Variants in TRPC4 observed in about 807,000 individuals in gnomAD.
TRPC4 encodes the protein transient receptor potential cation channel subfamily C member 4.
A neutral mutation model predicts 99.4 loss-of-function variants in TRPC4; 49 were observed. That is an observed-to-expected ratio of 0.49 (90% CI 0.39 to 0.63). The LOEUF (loss-of-function observed/expected upper bound fraction) is 0.63, where lower values mean the gene tolerates loss of function less well. Ranked by LOEUF, TRPC4 falls within the 20% of genes least tolerant of loss-of-function variation. The pLI, the probability that TRPC4 is intolerant of heterozygous loss-of-function variation, is 0.00. For missense variants in TRPC4, 898 were observed against 1,152.9 expected, an observed-to-expected ratio of 0.78 and a Z score of 3.20; for synonymous variants, 454 against 425.9, an observed-to-expected ratio of 1.07 and a Z score of -0.81.
intron 2 of TRPC4, among the ~76,000 whole-genome samples, chr13:37,777,048 T>C (rs1956724854): frequency 6.6e-6 from 1 of 151,966 alleles, no homozygotes; most frequent in South Asian, 2.1e-4. Context: ...AAAGACACAA[T>C]TGTATTAACA....
chr13:37,664,208 T>A (rs1952555077), intron 5 of TRPC4, among the ~76,000 whole-genome samples: 1 of 152,210 alleles, frequency 6.6e-6, no homozygotes, highest in Non-Finnish European at 1.5e-5. Context: ...TGAATTATCC[T>A]GCTATTAAAA....
At chr13:37,738,502 T>C (rs1226366246) in intron 3 of TRPC4, among the ~76,000 whole-genome samples, 4 of 152,170 alleles carry the variant, frequency 2.6e-5, no homozygotes, top group Admixed American at 2.6e-4. Context: ...GATTGCACAT[T>C]AGAATTTTCT....
intron 3 of TRPC4, among the ~76,000 whole-genome samples, chr13:37,737,712 G>A (rs1181752224): frequency 6.6e-6 from 1 of 152,058 alleles, no homozygotes; most frequent in East Asian, 1.9e-4. Context: ...AGGCTCAAGT[G>A]ATCTGCCTTG....
intron 1 of TRPC4, among the ~76,000 whole-genome samples, chr13:37,784,559 A>G (rs927172450): frequency 2.6e-5 from 4 of 151,972 alleles, no homozygotes; most frequent in African/African-American, 9.7e-5. Flanking sequence ...TTGAAATTGA[A>G]CTCACATATT....
At chr13:37,803,148 T>C (rs1331628435) in intron 1 of TRPC4, among the ~76,000 whole-genome samples, 1 of 152,070 alleles carries the variant, frequency 6.6e-6, no homozygotes, top group South Asian at 2.1e-4. Flanking sequence ...GCTTTCATCC[T>C]TTTTATTTTT....
intron 2 of TRPC4, among the ~76,000 whole-genome samples, chr13:37,772,486 T>C (rs1956581987): frequency 6.6e-6 from 1 of 151,772 alleles, no homozygotes. Flanking sequence ...TTCATGTGTG[T>C]CTGCATGTGT....
At chr13:37,688,275 A>G (rs1953559454) in intron 4 of TRPC4, among the ~76,000 whole-genome samples, 1 of 152,230 alleles carries the variant, frequency 6.6e-6, no homozygotes. Flanking sequence ...AAAGATGTAA[A>G]ACACAATAGA....
intron 3 of TRPC4, among the ~76,000 whole-genome samples, chr13:37,718,939 A>G (rs1954770018): frequency 6.6e-6 from 1 of 152,174 alleles, no homozygotes; most frequent in South Asian, 2.1e-4. Flanking sequence ...GAAAACCTCA[A>G]ACAGAATAAC....
chr13:37,726,446 T>C (rs1296669503), intron 3 of TRPC4, among the ~76,000 whole-genome samples: 1 of 152,094 alleles, frequency 6.6e-6, no homozygotes, highest in Non-Finnish European at 1.5e-5. Flanking sequence ...CATTAGAACA[T>C]TAAATGTAAT....
At chr13:37,670,839 C>T (rs1952813685) in intron 5 of TRPC4, among the ~76,000 whole-genome samples, 1 of 152,164 alleles carries the variant, frequency 6.6e-6, no homozygotes, top group African/African-American at 2.4e-5. Context: ...AACACTCTGA[C>T]TTTTGCATAT....
chr13:37,682,993 G>A (rs188432810), intron 4 of TRPC4, among the ~76,000 whole-genome samples: 5 of 147,036 alleles, frequency 3.4e-5, no homozygotes, highest in East Asian at 4.0e-4. Flanking sequence ...TTGAACTCCT[G>A]GCATCAAGCA....
chr13:37,639,189 T>G, intron 9 of TRPC4, 60 bp from the exon 10 acceptor site: 1 of 1,612,488 alleles, frequency 6.2e-7, no homozygotes, highest in South Asian at 1.1e-5. Flanking sequence ...TCCTCCTGAG[T>G]CAGTTCTGAA....
intron 6 of TRPC4, among the ~76,000 whole-genome samples, chr13:37,658,354 C>A (rs1335560480): frequency 6.6e-6 from 1 of 152,170 alleles, no homozygotes; most frequent in African/African-American, 2.4e-5. Context: ...TATTGCTCAA[C>A]ATATGCTTTA....
rs529538261 is a variant in TRPC4, at chr13:37,708,149, A to G, written c.898-15814T>C. On this transcript the variant is annotated intron_variant, in intron 3 of 10. Coordinates refer to ENST00000379705, the MANE Select transcript of TRPC4 (RefSeq NM_016179.4). ...AATTAAAATCTTAGCAATAATAAAC[A>G]TAATCCTAATTAAACAAAGTGCCTC... Among the ~76,000 whole-genome samples the G allele has an allele frequency of 2.6e-5, 4 of 152,278 alleles. No individual in the cohort carries two copies. In the East Asian group the frequency reaches 7.7e-4, roughly 29 times the overall value.
chr13:37,783,328 A>C lies in TRPC4; in HGVS notation c.6T>G (p.Ala2=), dbSNP rs145804242. The change falls in exon 2 of 11, where the codon GCT becomes GCG. Residue 2 remains alanine, a synonymous_variant. Transcript: ENST00000379705. M[A]QFYYKRNVNA... The stretch of plus-strand genomic sequence containing the variant: ...TAACATTTCTTTTGTAATAGAACTG[A>C]GCCATGTTTCATGCCATGCTATTTC... 9 of 1,559,916 alleles carry C rather than the reference A, an allele frequency of 5.8e-6. No homozygotes were observed. In the African/African-American group the frequency reaches 1.2e-4, roughly 21 times the overall value.
intron 3 of TRPC4, among the ~76,000 whole-genome samples, chr13:37,712,271 C>A (rs993648141): frequency 7.9e-5 from 12 of 152,130 alleles, no homozygotes; most frequent in African/African-American, 2.9e-4. Flanking sequence ...TTCACTATTA[C>A]CCAATGCTAC....
intron 5 of TRPC4, among the ~76,000 whole-genome samples, chr13:37,669,849 T>A (rs903479399): frequency 2.0e-5 from 3 of 152,088 alleles, no homozygotes; most frequent in Admixed American, 6.6e-5. Context: ...TAAATAAAGA[T>A]CTTTCTTGCA....
chr13:37,721,529 ACATTATAAAG>A (rs1448122217), intron 3 of TRPC4, among the ~76,000 whole-genome samples: 1 of 152,126 alleles, frequency 6.6e-6, no homozygotes, highest in Non-Finnish European at 1.5e-5. Flanking sequence ...GTATCCATGA[ACATTATAAAG>A]CAGTTTAGAA....
intron 1 of TRPC4, among the ~76,000 whole-genome samples, chr13:37,817,674 G>A (rs575378346): frequency 3.9e-5 from 6 of 151,926 alleles, no homozygotes; most frequent in Non-Finnish European, 8.8e-5. Context: ...GCATAGTACT[G>A]CTACAAAAGC....
Sources: gnomAD v4.1 joint callset for allele counts (sites outside exome capture counted in the v4.1 genomes callset) on GRCh38, gnomAD v4.1.1 for gene constraint, MANE v1.5 for transcripts, NCBI Gene and HGNC (gene_info 2026-07-23, HGNC 2026-07-21) for gene names.